SCAF1: variants seen among roughly 807,000 people sequenced by gnomAD.
SCAF1 encodes the protein splicing factor, arginine/serine-rich 19.
Under a neutral mutation model 91.2 loss-of-function variants are expected in SCAF1, and 28 were observed. The ratio of observed to expected loss-of-function variants is 0.31; its 90% CI spans 0.23 to 0.42. The LOEUF is 0.42. SCAF1 is among the 10% of genes least tolerant of loss of function. The pLI is 1.00. For synonymous variants in SCAF1, 1,036 were observed against 833.7 expected, an observed-to-expected ratio of 1.24 and a Z score of -4.18; for missense variants, 1,893 against 1,872.1, an observed-to-expected ratio of 1.01 and a Z score of -0.21.
Position 49,652,768 on chromosome 19 carries a change from G to T in SCAF1, c.2379G>T (p.Lys793Asn), listed in dbSNP as rs777831184. ...DRDRDRDRSS[K>N]KARPPKESAP... The stretch of plus-strand genomic sequence containing the variant: ...ATAGGGACAGGGACAGGTCATCCAA[G>T]AAGGCCCGGCCCCCCAAGGAGTCGG... Residue 793 changes from lysine (K) to asparagine (N), a missense_variant, in exon 7 of 11, where the codon AAG becomes AAT. Coordinates refer to ENST00000360565, the MANE Select transcript of SCAF1 (RefSeq NM_021228.3). 55 of 1,612,590 alleles carry T rather than the reference G, an allele frequency of 3.4e-5. No homozygotes were observed. Among genetic ancestry groups the T allele is most frequent in the Non-Finnish European group, 4.7e-5 (55 of 1,179,580 alleles).
At chr19:49,656,834 A>G (rs1443469982) in intron 9 of SCAF1, among the ~76,000 whole-genome samples, 1 of 152,128 alleles carries the variant, frequency 6.6e-6, no homozygotes, top group African/African-American at 2.4e-5. Context: ...AGTACTGCCC[A>G]TAGGTGCTGT....
chr19:49,651,105 C>A lies in SCAF1; in HGVS notation c.716C>A (p.Ser239Tyr). Residue 239 changes from serine to tyrosine, a missense_variant, in exon 7 of 11, where the codon TCT becomes TAT. Ser to Tyr is a moderately radical substitution (Grantham distance 144). Transcript: ENST00000360565. Reference sequence around the variant, plus strand: ...TTCCACCCCACCGACGAGGCCTACTCTCCACCGCCTGCTCCGGAGCAAAAG... The same window carrying A: ...TTCCACCCCACCGACGAGGCCTACTATCCACCGCCTGCTCCGGAGCAAAAG... Reference protein sequence around the residue: ...DPFHPTDEAYSPPPAPEQKYD... With the variant: ...DPFHPTDEAYYPPPAPEQKYD... 6.2e-7 allele frequency: 1 copy of A among 1,610,150 alleles called. No homozygotes were observed.
At chr19:49,647,942 G>GT (rs1315489509) in intron 6 of SCAF1, among the ~76,000 whole-genome samples, 2 of 149,806 alleles carry the variant, frequency 1.3e-5, no homozygotes, top group Non-Finnish European at 3.0e-5. Flanking sequence ...TACCTTGTTT[G>GT]TTTTTTTTGA....
In SCAF1 at chr19:49,652,612, G is replaced by T; in HGVS notation, c.2223G>T (p.Glu741Asp). The T allele has an allele frequency of 6.4e-7, 1 of 1,563,272 alleles. No individual in the cohort carries two copies. Among genetic ancestry groups the T allele is most frequent in the Non-Finnish European group, 8.7e-7 (1 of 1,153,910 alleles). ...LYDSEGLSGE[E>D]RGGKSSQKDR... ...ACTCCGAGGGACTGAGCGGCGAGGA[G>T]CGGGGCGGCAAGAGCAGCCAGAAGG... The change falls in exon 7 of 11, where the codon GAG becomes GAT. Residue 741 changes from glutamate (E) to aspartate (D), a missense_variant. Glu to Asp is a conservative substitution (Grantham distance 45, BLOSUM62 2). Coordinates refer to ENST00000360565, the MANE Select transcript of SCAF1 (RefSeq NM_021228.3).
intron 7 of SCAF1, 66 bp downstream of exon 7, chr19:49,653,771 G>A: frequency 7.1e-7 from 1 of 1,399,636 alleles, no homozygotes; most frequent in Admixed American, 2.8e-5. Flanking sequence ...GGAGGGTACA[G>A]ACTTAGAGGC....
intron 1 of SCAF1, among the ~76,000 whole-genome samples, chr19:49,644,249 C>G (rs2081042211): frequency 6.6e-6 from 1 of 152,128 alleles, no homozygotes; most frequent in East Asian, 1.9e-4. Context: ...TTTTCTGAAG[C>G]CCTAATCAAG....
At position 49,646,202 on chromosome 19, in the gene SCAF1, TGTGA is replaced by T; in HGVS notation, c.261+3_261+6del. 2 of 1,598,872 alleles carry T rather than the reference TGTGA, an allele frequency of 1.3e-6. No homozygotes were observed. The highest frequency in any genetic ancestry group is 1.4e-5 in the African/African-American group (1 of 71,868). On this transcript the variant is annotated splice_donor_variant and splice_donor_region_variant and intron_variant, in intron 4 of 10. Coordinates refer to ENST00000360565, the MANE Select transcript of SCAF1 (RefSeq NM_021228.3). LOFTEE classifies it high-confidence loss of function. This position sits in a 1 kb window ranked among gnomAD's most constrained non-coding sequence, Gnocchi z 5.6. ...AATCAGGGGGCACTGACACGGCTAC[TGTGA>T]GTAAGAAGAGGGGGCTGGGGGCCTG...
Position 49,653,206 on chromosome 19 carries a change from G to A in SCAF1, c.2817G>A (p.Gln939=). 1 of 1,539,862 alleles carries A rather than the reference G, an allele frequency of 6.5e-7. No homozygotes were observed. Among genetic ancestry groups the A allele is most frequent in the African/African-American group, 1.4e-5 (1 of 73,064 alleles). ...GTGGCAGCGGGGGCAGTGGTGGCCA[G>A]GTGTCGCTGAAGAAGTCCAAGGCGG... The part of the protein sequence containing the change: ...SGGGSGGSGG[Q]VSLKKSKADS... Residue 939 remains glutamine, a synonymous_variant, in exon 7 of 11, where the codon CAG becomes CAA. Transcript: ENST00000360565.
At position 49,642,932 on chromosome 19, in the gene SCAF1, G is replaced by A. The variant is rs1273358502; in HGVS notation, c.-7+690G>A. ...AGGTATGGGTAGTGTCTAATAATGG[G>A]TGACAGGAGGCTGGGGGCAGTTAGA... is the stretch of plus-strand genomic sequence containing the variant. On this transcript the variant is annotated intron_variant, in intron 1 of 10. Transcript: ENST00000360565. This position sits in a 1 kb window ranked among gnomAD's most constrained non-coding sequence, Gnocchi z 4.0. 1.3e-5 allele frequency among the ~76,000 whole-genome samples: 2 copies of A among 152,214 alleles called. No individual in the cohort carries two copies. Among genetic ancestry groups the A allele is most frequent in the African/African-American group, 4.8e-5 (2 of 41,442 alleles).
At position 49,653,590 on chromosome 19, in the gene SCAF1, C is replaced by G; in HGVS notation, c.3201C>G (p.Asp1067Glu). The G allele has an allele frequency of 6.3e-7, 1 of 1,586,332 alleles. No individual in the cohort carries two copies. The highest frequency in any genetic ancestry group is 8.5e-7 in the Non-Finnish European group (1 of 1,171,426). The stretch of plus-strand genomic sequence containing the variant: ...CCAGCGCGGGGTCCACAGCCGGTGA[C>G]TCGGGGGCGGAGGACGGGCCAGCTT... ...TAPSAGSTAG[D>E]SGAEDGPASR... is the part of the protein sequence containing the mutation. The change falls in exon 7 of 11, where the codon GAC becomes GAG. Residue 1067 changes from aspartate (D) to glutamate (E), a missense_variant. By Grantham distance (45) the Asp-to-Glu change is conservative (BLOSUM62 2). Around this residue, in one of 5 missense-constraint regions of SCAF1, gnomAD observed 1,436 missense variants for 1,306.8 expected, o/e 1.10. Transcript: ENST00000360565.
At chr19:49,656,913 G>A (rs544345639) in intron 9 of SCAF1, among the ~76,000 whole-genome samples, 1 of 152,298 alleles carries the variant, frequency 6.6e-6, no homozygotes, top group Non-Finnish European at 1.5e-5. Context: ...CCAACACTTC[G>A]CAAGGCCGAG....
chr19:49,642,963 C>T lies in SCAF1; in HGVS notation c.-7+721C>T, dbSNP rs2081035704. ...GGAGGCTGGGGGCAGTTAGAAGGACCTGGAACCATCTAGATGGCTTTAATG... is the reference window on the plus strand; with the variant it reads ...GGAGGCTGGGGGCAGTTAGAAGGACTTGGAACCATCTAGATGGCTTTAATG... On this transcript the variant is annotated intron_variant, in intron 1 of 10. Coordinates refer to ENST00000360565, the MANE Select transcript of SCAF1 (RefSeq NM_021228.3). The surrounding 1 kb of genome is among the most constrained non-coding windows in gnomAD (Gnocchi z 4.0). Among the ~76,000 whole-genome samples, 1 of 152,162 alleles carries T rather than the reference C, an allele frequency of 6.6e-6. No individual in the cohort carries two copies. The highest frequency in any genetic ancestry group is 2.4e-5 in the African/African-American group (1 of 41,428).
chr19:49,657,278 C>T (rs527584360), intron 9 of SCAF1, among the ~76,000 whole-genome samples: 1 of 148,694 alleles, frequency 6.7e-6, no homozygotes, highest in Admixed American at 6.7e-5. Context: ...CACCCCCACT[C>T]CCCAGTGCCC....
At chr19:49,656,966 G>A (rs141586402) in intron 9 of SCAF1, among the ~76,000 whole-genome samples, 1 of 152,172 alleles carries the variant, frequency 6.6e-6, no homozygotes, top group Non-Finnish European at 1.5e-5. Flanking sequence ...ATCAGCTTGG[G>A]CAACATAGTG....
At chr19:49,653,803 G>A in intron 7 of SCAF1, 98 bp downstream of exon 7, 1 of 1,202,470 alleles carries the variant, frequency 8.3e-7, no homozygotes, top group Non-Finnish European at 1.1e-6. Flanking sequence ...CTGGCAGGGA[G>A]AGGTTTATAG....
At position 49,653,777 on chromosome 19, in the gene SCAF1, G is replaced by C. The variant is rs536701621; in HGVS notation, c.3316+72G>C. ...ATGGGGACTGGAGGGTACAGACTTA[G>C]AGGCAGTGGGGTGCCCTGGCAGGGA... On this transcript the variant is annotated intron_variant, in intron 7 of 10. Transcript: ENST00000360565. The C allele has an allele frequency of 9.5e-4, 1,302 of 1,376,464 alleles. 1 individual carries two copies. The highest frequency in any genetic ancestry group is 1.2e-3 in the Non-Finnish European group (1,253 of 1,047,938). 85.3% of individuals were successfully genotyped at this position (1,376,464 alleles called of 1,614,324 possible). A position where few individuals can be genotyped will look rare whatever the true frequency, so the allele number is the denominator to read the frequency against.
intron 9 of SCAF1, among the ~76,000 whole-genome samples, chr19:49,656,469 C>T (rs1258851934): frequency 6.6e-6 from 1 of 152,184 alleles, no homozygotes; most frequent in Non-Finnish European, 1.5e-5. Context: ...AGTCACCTGG[C>T]TTGGGAGGGC....
Position 49,646,076 on chromosome 19 carries a change from G to T in SCAF1, c.167-32G>T. On this transcript the variant is annotated intron_variant, in intron 3 of 10. Coordinates refer to ENST00000360565, the MANE Select transcript of SCAF1 (RefSeq NM_021228.3). The surrounding 1 kb of genome is among the most constrained non-coding windows in gnomAD (Gnocchi z 5.6). ...CGCAAGTCTCTGCAGCAAGTCCCCT[G>T]TGTCCAATCCCCCATGCAAATCTCT... 1 of 1,592,452 alleles carries T rather than the reference G, an allele frequency of 6.3e-7. No homozygotes were observed.
chr19:49,654,537 G>A, intron 8 of SCAF1, 106 bp downstream of exon 8: 1 of 1,369,416 alleles, frequency 7.3e-7, no homozygotes, highest in Non-Finnish European at 1.0e-6. Context: ...GTATCGGCCT[G>A]AAGAGGAGCC....
Sources: gnomAD v4.1 joint callset for allele counts (sites outside exome capture counted in the v4.1 genomes callset) on GRCh38, gnomAD v4.1.1 for gene constraint, gnomAD v4.1.1 regional missense constraint, Gnocchi (gnomAD v3.1) non-coding constraint, MANE v1.5 for transcripts, NCBI Gene and HGNC (gene_info 2026-07-23, HGNC 2026-07-21) for gene names.